Variants in CATSPERD observed in about 807,000 individuals in gnomAD.
CATSPERD encodes the protein cation channel sperm-associated auxiliary subunit delta.
A neutral mutation model predicts 98.1 loss-of-function variants in CATSPERD; 86 were observed. The observed-to-expected ratio is 0.88, with a 90% CI of 0.74 to 1.05. The LOEUF is 1.05. Among genes scored for constraint, CATSPERD ranks in the 50% least tolerant of loss-of-function variants. CATSPERD has a pLI of 0.00. For synonymous variants in CATSPERD, 394 were observed against 390.2 expected (o/e 1.01, Z -0.12); for missense variants, 995 against 1,005.7 (o/e 0.99, Z 0.14).
In CATSPERD at chr19:5,766,148, A is replaced by G. The variant is rs1256190984; in HGVS notation, c.1552A>G (p.Ile518Val). Residue 518 changes from isoleucine (I) to valine (V), a missense_variant, in exon 17 of 22, where the codon ATC (isoleucine) becomes GTC (valine). Coordinates refer to ENST00000381624, the MANE Select transcript of CATSPERD (RefSeq NM_152784.4). ...VGCDLDKKIV[I>V]QNKVSACSMG... Reference sequence around the variant, plus strand: ...CTGCGACCTGGATAAAAAGATCGTCATCCAGAAGTAAGTATGTTGAGGCCG... The same window carrying G: ...CTGCGACCTGGATAAAAAGATCGTCGTCCAGAAGTAAGTATGTTGAGGCCG... 3 of 1,613,062 alleles carry G rather than the reference A, an allele frequency of 1.9e-6. No individual in the cohort carries two copies. Among genetic ancestry groups the G allele is most frequent in the African/African-American group, 1.3e-5 (1 of 74,948 alleles).
intron 9 of CATSPERD, among the ~76,000 whole-genome samples, chr19:5,746,860 C>G (rs925675180): frequency 4.6e-5 from 7 of 151,818 alleles, no homozygotes; most frequent in African/African-American, 2.4e-5. Flanking sequence ...GAAGCTGTGC[C>G]GAGTCCTGAT....
intron 9 of CATSPERD, among the ~76,000 whole-genome samples, chr19:5,746,811 CT>C (rs71172759): frequency 1.3e-5 from 2 of 148,634 alleles, no homozygotes; most frequent in Non-Finnish European, 1.5e-5. Flanking sequence ...TCCTGTTTTT[CT>C]TTTTTTTTTG....
At chr19:5,748,441 G>T (rs917676375) in intron 10 of CATSPERD, among the ~76,000 whole-genome samples, 186 bp downstream of exon 10, 3 of 151,692 alleles carry the variant, frequency 2.0e-5, no homozygotes, top group Non-Finnish European at 4.4e-5. Flanking sequence ...GACCAGCCTG[G>T]CCAACATGGT....
At chr19:5,725,977 C>T (rs978907252) in intron 2 of CATSPERD, among the ~76,000 whole-genome samples, 4 of 152,066 alleles carry the variant, frequency 2.6e-5, no homozygotes, top group African/African-American at 9.7e-5. Flanking sequence ...TCATCATTCT[C>T]TGGACTTTCA....
At chr19:5,746,675 C>T (rs2056101238) in intron 9 of CATSPERD, among the ~76,000 whole-genome samples, 4 of 152,098 alleles carry the variant, frequency 2.6e-5, no homozygotes, top group Admixed American at 2.6e-4. Context: ...CCGCGTAATC[C>T]ACCTGCCTCG....
chr19:5,756,284 GA>G (rs35567913), intron 13 of CATSPERD, among the ~76,000 whole-genome samples: 67 of 145,300 alleles, frequency 4.6e-4, no homozygotes, highest in African/African-American at 1.5e-3. Context: ...CCCTCTCAAA[GA>G]AAAAAAAAAA....
chr19:5,733,825 T>A, intron 4 of CATSPERD, 31 bp from the exon 5 acceptor site: 1 of 1,372,800 alleles, frequency 7.3e-7, no homozygotes, highest in East Asian at 2.3e-5. Context: ...AAAGATGCTC[T>A]CATTGATATC....
intron 8 of CATSPERD, 113 bp downstream of exon 8, chr19:5,744,623 CAG>C (rs1488772335): frequency 3.2e-6 from 2 of 628,000 alleles, no homozygotes; most frequent in East Asian, 3.8e-5. Flanking sequence ...TTTTTTTAGA[CAG>C]AGTCTCGCTC....
intron 13 of CATSPERD, 56 bp from the exon 14 acceptor site, chr19:5,757,787 C>T (rs967402517): frequency 5.0e-6 from 7 of 1,388,502 alleles, no homozygotes; most frequent in Middle Eastern, 1.8e-4. Context: ...GGGGGTTTGT[C>T]ACCCCGTCCT....
At position 5,757,910 on chromosome 19, in the gene CATSPERD, A is replaced by G. The variant is rs954862501; in HGVS notation, c.1346A>G (p.Asp449Gly). ...TTCTACGAGAACGGTTACACATCAG[A>G]TGGGAACACCAAGTACAAACTGGTG... Reference protein sequence around the residue: ...ATFYENGYTSDGNTKYKLDIF... With the variant: ...ATFYENGYTSGGNTKYKLDIF... Residue 449 changes from aspartate to glycine, a missense_variant, in exon 14 of 22, where the codon GAT becomes GGT. By Grantham distance (94) the Asp-to-Gly change is moderately conservative (BLOSUM62 -1). This residue lies in a region of CATSPERD where 762 missense variants were observed against 773.7 expected (regional missense o/e 0.98). Coordinates refer to ENST00000381624, the MANE Select transcript of CATSPERD (RefSeq NM_152784.4). 26 of 1,613,050 alleles carry G rather than the reference A, an allele frequency of 1.6e-5. No homozygotes were observed. Among genetic ancestry groups the G allele is most frequent in the Non-Finnish European group, 2.2e-5 (26 of 1,179,692 alleles).
rs2055864438 is a variant in CATSPERD at position 5,737,207 on chromosome 19, T to G, written c.459+2T>G. 6.3e-7 allele frequency: 1 copy of G among 1,592,040 alleles called. No individual in the cohort carries two copies. The highest frequency in any genetic ancestry group is 8.6e-7 in the Non-Finnish European group (1 of 1,160,104). On this transcript the variant is annotated splice_donor_variant, in intron 6 of 21. Coordinates refer to ENST00000381624, the MANE Select transcript of CATSPERD (RefSeq NM_152784.4). LOFTEE classifies it high-confidence loss of function. ...TATACTGGAAGTTTGTTTTGTGTGG[T>G]AAGTATAAGTGTATAATTGTTCATT...
At chr19:5,727,235 G>T (rs1441822101) in intron 2 of CATSPERD, 33 bp from the exon 3 acceptor site, 1 of 1,496,788 alleles carries the variant, frequency 6.7e-7, no homozygotes, top group Non-Finnish European at 9.3e-7. Flanking sequence ...TATGGTTATT[G>T]ATATTATTAA....
At chr19:5,726,308 C>A (rs1261085601) in intron 2 of CATSPERD, among the ~76,000 whole-genome samples, 1 of 152,126 alleles carries the variant, frequency 6.6e-6, no homozygotes, top group Non-Finnish European at 1.5e-5. Context: ...TCATGATCTG[C>A]CCACCTCGGC....
At chr19:5,755,903 C>A (rs1320773758) in intron 13 of CATSPERD, among the ~76,000 whole-genome samples, 1 of 152,078 alleles carries the variant, frequency 6.6e-6, no homozygotes, top group Non-Finnish European at 1.5e-5. Flanking sequence ...ATCACTTGAG[C>A]CCAGGAGGTT....
chr19:5,773,260 G>C (rs1374572890), intron 20 of CATSPERD, among the ~76,000 whole-genome samples: 1 of 152,138 alleles, frequency 6.6e-6, no homozygotes, highest in East Asian at 1.9e-4. Context: ...AATCACTTGA[G>C]CCTGGGAGGC....
intron 4 of CATSPERD, among the ~76,000 whole-genome samples, 159 bp from the exon 5 acceptor site, chr19:5,733,697 C>A (rs1216613906): frequency 2.0e-5 from 3 of 151,594 alleles, no homozygotes; most frequent in Non-Finnish European, 4.4e-5. Context: ...CCTCGGTGAT[C>A]TACCCGCCTT....
intron 20 of CATSPERD, among the ~76,000 whole-genome samples, chr19:5,774,788 G>A (rs1483312410): frequency 6.6e-6 from 1 of 152,054 alleles, no homozygotes; most frequent in Non-Finnish European, 1.5e-5. Flanking sequence ...AGGCCGAGGT[G>A]GATGGATCAC....
chr19:5,723,373 C>G (rs1178206770), intron 1 of CATSPERD, among the ~76,000 whole-genome samples: 4 of 150,870 alleles, frequency 2.7e-5, no homozygotes, highest in South Asian at 2.1e-4. Flanking sequence ...CAACCTCTGC[C>G]TCCAAGGTTC....
At chr19:5,736,509 G>C in intron 5 of CATSPERD, among the ~76,000 whole-genome samples, 1 of 151,766 alleles carries the variant, frequency 6.6e-6, no homozygotes, top group Non-Finnish European at 1.5e-5. Flanking sequence ...TCGAGGTCAG[G>C]AGTTTGAGAC....
Sources: allele counts gnomAD v4.1 joint callset (sites outside exome capture counted in the v4.1 genomes callset), GRCh38; gene constraint gnomAD v4.1.1; regional missense constraint gnomAD v4.1.1; transcripts MANE v1.5; gene names NCBI Gene and HGNC (gene_info 2026-07-23, HGNC 2026-07-21).